SH3BP2: variants seen among roughly 807,000 people sequenced by gnomAD.
SH3BP2 encodes SH3 domain binding protein 2.
In SH3BP2, 38 loss-of-function variants were observed where a neutral mutation model predicts 56.2. That is an observed-to-expected ratio of 0.68 (90% confidence interval 0.52 to 0.89). The LOEUF is 0.89. Among genes scored for constraint, SH3BP2 ranks in the 40% least tolerant of loss-of-function variants. The probability of loss-of-function intolerance (pLI) is 0.00; values close to 1 mark genes in which losing one functional copy is unlikely to be tolerated. For synonymous variants in SH3BP2, 346 were observed against 316.7 expected, an observed-to-expected ratio of 1.09 and a Z score of -0.98; for missense variants, 748 against 762.6, an observed-to-expected ratio of 0.98 and a Z score of 0.23.
intron 5 of SH3BP2, 92 bp from the exon 6 acceptor site, chr4:2,827,138 T>C: frequency 2.1e-6 from 2 of 938,052 alleles, no homozygotes; most frequent in East Asian, 2.5e-5. Context: ...TGTCCATGTA[T>C]CCGCGTGTGC....
At chr4:2,807,847 T>C (rs1723594375) in intron 1 of SH3BP2, among the ~76,000 whole-genome samples, 1 of 152,084 alleles carries the variant, frequency 6.6e-6, no homozygotes, top group Admixed American at 6.5e-5. Flanking sequence ...GGACCCTGTG[T>C]GCAGGAGGGT....
Position 2,829,895 on chromosome 4 carries a change from A to G in SH3BP2, c.989A>G (p.Asn330Ser). 6.2e-7 allele frequency: 1 copy of G among 1,613,722 alleles called. No individual in the cohort carries two copies. The highest frequency in any genetic ancestry group is 8.5e-7 in the Non-Finnish European group (1 of 1,179,952). Residue 330 changes from asparagine (N) to serine (S), a missense_variant, in exon 8 of 13, where the codon AAC becomes AGC. By Grantham distance (46) the Asn-to-Ser change is conservative (BLOSUM62 1). Around this residue, in one of 3 missense-constraint regions of SH3BP2, gnomAD observed 635 missense variants for 615.0 expected, o/e 1.03. Transcript: ENST00000503393. This position sits in a 1 kb window ranked among gnomAD's most constrained non-coding sequence, Gnocchi z 4.9. ...ATCATGGCCACTGCCACCTCCAGAA[A>G]CTGTGACAAACTCAAGTCCTTCCAC... ...AAIMATATSR[N>S]CDKLKSFHLS... is the part of the protein sequence containing the mutation.
chr4:2,820,666 G>A lies in SH3BP2; in HGVS notation c.49G>A (p.Ala17Thr). ...HWPVPMKAIGAQNLLTMPGGV... is the reference protein window; with the variant it reads ...HWPVPMKAIGTQNLLTMPGGV... The stretch of plus-strand genomic sequence containing the variant: ...GCCTGTCCCTATGAAGGCCATTGGT[G>A]CCCAGAACCTGCTAACCATGCCTGG... The change falls in exon 2 of 13, where the codon GCC (alanine) becomes ACC (threonine). Residue 17 changes from alanine (A) to threonine (T), a missense_variant. Physicochemically the swap from Ala to Thr is moderately conservative, Grantham distance 58. Coordinates refer to ENST00000503393, the MANE Select transcript of SH3BP2 (RefSeq NM_001122681.2). The A allele has an allele frequency of 9.3e-6, 15 of 1,614,170 alleles. No homozygotes were observed. Among genetic ancestry groups the A allele is most frequent in the Non-Finnish European group, 1.3e-5 (15 of 1,180,004 alleles).
intron 1 of SH3BP2, among the ~76,000 whole-genome samples, chr4:2,807,944 G>A (rs965448350): frequency 4.6e-5 from 7 of 152,162 alleles, no homozygotes; most frequent in African/African-American, 1.7e-4. Flanking sequence ...TCACAGCCTT[G>A]TGGAGCCTGT....
intron 12 of SH3BP2, 152 bp downstream of exon 12, chr4:2,833,201 C>T: frequency 1.4e-6 from 1 of 719,376 alleles, no homozygotes; most frequent in Non-Finnish European, 2.5e-6. Context: ...TCGCTCACCC[C>T]CCACCCCTCC....
chr4:2,825,197 G>C lies in SH3BP2; in HGVS notation c.428+1G>C, dbSNP rs769264475. 51 of 1,575,414 alleles carry C rather than the reference G, an allele frequency of 3.2e-5. No individual in the cohort carries two copies. Among genetic ancestry groups the C allele is most frequent in the Non-Finnish European group, 4.2e-5 (49 of 1,160,244 alleles). Reference sequence around the variant, plus strand: ...AGAAAGACCTGCCCTTGGACACCAGGTGAGCCCGGGCCCAGGGCATACCGG... The same window carrying C: ...AGAAAGACCTGCCCTTGGACACCAGCTGAGCCCGGGCCCAGGGCATACCGG... On this transcript the variant is annotated splice_donor_variant, in intron 5 of 12. Coordinates refer to ENST00000503393, the MANE Select transcript of SH3BP2 (RefSeq NM_001122681.2). LOFTEE classifies it high-confidence loss of function.
rs1327801615 is a variant in SH3BP2, at chr4:2,830,114, C to T, written c.1208C>T (p.Pro403Leu). The T allele has an allele frequency of 9.3e-6, 15 of 1,604,768 alleles. No individual in the cohort carries two copies. The Admixed American group carries it at 2.5e-4, about 27-fold the overall frequency. Residue 403 changes from proline (P) to leucine (L), a missense_variant, in exon 8 of 13, where the codon CCC becomes CTC. Physicochemically the swap from Pro to Leu is moderately conservative, Grantham distance 98. This residue lies in a region of SH3BP2 where 635 missense variants were observed against 615.0 expected (regional missense o/e 1.03). Coordinates refer to ENST00000503393, the MANE Select transcript of SH3BP2 (RefSeq NM_001122681.2). ...PEAMARPAVL[P>L]RPEKPQLPHL... Reference sequence around the variant, plus strand: ...GCCATGGCGCGGCCCGCAGTCCTGCCCAGGCCAGAGAAGCCGCAGCTCCCG... The same window carrying T: ...GCCATGGCGCGGCCCGCAGTCCTGCTCAGGCCAGAGAAGCCGCAGCTCCCG...
Position 2,829,748 on chromosome 4 carries a change from C to T in SH3BP2, c.842C>T (p.Pro281Leu). ...PATPRRMSDP[P>L]LSTMPTAPGL... is the part of the protein sequence containing the mutation. ...ACCCCCCGAAGGATGAGCGATCCCC[C>T]TCTGAGCACCATGCCCACCGCACCC... The change falls in exon 8 of 13, where the codon CCT becomes CTT. Residue 281 changes from proline (P) to leucine (L), a missense_variant. Physicochemically the swap from Pro to Leu is moderately conservative, Grantham distance 98. Transcript: ENST00000503393. This position sits in a 1 kb window ranked among gnomAD's most constrained non-coding sequence, Gnocchi z 4.9. 1 of 1,613,084 alleles carries T rather than the reference C, an allele frequency of 6.2e-7. No homozygotes were observed. The highest frequency in any genetic ancestry group is 8.5e-7 in the Non-Finnish European group (1 of 1,179,906).
At chr4:2,812,179 T>G (rs1047195354) in intron 1 of SH3BP2, 1 of 1,431,968 alleles carries the variant, frequency 7.0e-7, no homozygotes, top group East Asian at 2.6e-5. Flanking sequence ...CCCAGGCAGC[T>G]TTCAGGACCT....
At chr4:2,802,578 A>G (rs1352485230) in intron 1 of SH3BP2, among the ~76,000 whole-genome samples, 2 of 121,424 alleles carry the variant, frequency 1.6e-5, no homozygotes, top group African/African-American at 4.0e-5. Flanking sequence ...ATATGTGTAT[A>G]TGTATATATA....
At chr4:2,827,376 G>T in intron 6 of SH3BP2, 58 bp downstream of exon 6, 2 of 1,497,214 alleles carry the variant, frequency 1.3e-6, no homozygotes, top group Non-Finnish European at 1.9e-6. Context: ...GCCTCCTCTT[G>T]GCCGCTGTGG....
At chr4:2,798,819 T>G (rs1043179210) in intron 1 of SH3BP2, among the ~76,000 whole-genome samples, 6 of 152,176 alleles carry the variant, frequency 3.9e-5, no homozygotes, top group Non-Finnish European at 8.8e-5. Context: ...GGAACACAGG[T>G]GCTGGGTGGC....
At chr4:2,820,366 G>C (rs1456405298) in intron 1 of SH3BP2, among the ~76,000 whole-genome samples, 1 of 152,198 alleles carries the variant, frequency 6.6e-6, no homozygotes, top group Non-Finnish European at 1.5e-5. Flanking sequence ...TGCACGTAGC[G>C]CTCAGGATCC....
intron 1 of SH3BP2, chr4:2,812,485 G>T (rs1723792249): frequency 6.5e-7 from 1 of 1,548,680 alleles, no homozygotes; most frequent in African/African-American, 1.4e-5. Flanking sequence ...CAGGTCAGTG[G>T]GGCGGCCCCA....
intron 1 of SH3BP2, among the ~76,000 whole-genome samples, chr4:2,801,125 G>A (rs1214943007): frequency 1.3e-5 from 2 of 152,320 alleles, no homozygotes; most frequent in African/African-American, 4.8e-5. Flanking sequence ...GAGGACCGGG[G>A]CCCAGACTGC....
In SH3BP2 at chr4:2,830,026, C is replaced by A; in HGVS notation, c.1120C>A (p.Pro374Thr). ...EEDPPREAAMPGLFVPPVAPR... is the reference protein window; with the variant it reads ...EEDPPREAAMTGLFVPPVAPR... ...GGACCCCCCAAGGGAGGCAGCCATG[C>A]CCGGACTCTTTGTGCCCCCCGTGGC... The change falls in exon 8 of 13, where the codon CCC becomes ACC. Residue 374 changes from proline to threonine, a missense_variant. Transcript: ENST00000503393. The A allele has an allele frequency of 6.8e-6, 11 of 1,612,882 alleles. No individual in the cohort carries two copies. The highest frequency in any genetic ancestry group is 9.3e-6 in the Non-Finnish European group (11 of 1,179,948).
At position 2,833,809 on chromosome 4, in the gene SH3BP2, C is replaced by A; in HGVS notation, c.1661C>A (p.Pro554His). ...PSHQSLLLRH[P>H]YGYTGPR ...CACCAGAGCCTGCTGCTGCGGCACC[C>A]CTACGGCTACACTGGGCCTAGGTGA... Residue 554 changes from proline (P) to histidine (H), a missense_variant, in exon 13 of 13, where the codon CCC becomes CAC. Coordinates refer to ENST00000503393, the MANE Select transcript of SH3BP2 (RefSeq NM_001122681.2). 6.3e-7 allele frequency: 1 copy of A among 1,584,162 alleles called. No individual in the cohort carries two copies. Among genetic ancestry groups the A allele is most frequent in the South Asian group, 1.1e-5 (1 of 87,474 alleles).
In SH3BP2 at chr4:2,833,067, G is replaced by A. The variant is rs770334864; in HGVS notation, c.1548+18G>A. ...TTGAGAAGGTGAGAGGGCTCTGAGT[G>A]GGACGGGGACCCTGGCCGCATGGCC... On this transcript the variant is annotated intron_variant, in intron 12 of 12. Transcript: ENST00000503393. 1 of 1,612,878 alleles carries A rather than the reference G, an allele frequency of 6.2e-7. No individual in the cohort carries two copies. The highest frequency in any genetic ancestry group is 8.5e-7 in the Non-Finnish European group (1 of 1,178,876).
chr4:2,815,836 C>T (rs1723970258), intron 1 of SH3BP2, among the ~76,000 whole-genome samples: 1 of 152,118 alleles, frequency 6.6e-6, no homozygotes, highest in South Asian at 2.1e-4. Flanking sequence ...GGATGGGAGA[C>T]AATGACCAAC....
Sources: allele counts gnomAD v4.1 joint callset (sites outside exome capture counted in the v4.1 genomes callset), GRCh38; gene constraint gnomAD v4.1.1; regional missense constraint gnomAD v4.1.1; non-coding constraint Gnocchi (gnomAD v3.1); transcripts MANE v1.5; gene names NCBI Gene and HGNC (gene_info 2026-07-23, HGNC 2026-07-21).